Variants in GPN3 observed in about 807,000 individuals in gnomAD.
GPN3 encodes ATP-binding domain 1 family member C.
A neutral mutation model predicts 38.7 loss-of-function variants in GPN3; 31 were observed. The ratio of observed to expected loss-of-function variants is 0.80; its 90% CI spans 0.60 to 1.08. The LOEUF (loss-of-function observed/expected upper bound fraction) is 1.08, where lower values mean the gene tolerates loss of function less well. GPN3 is among the 50% of genes least tolerant of loss of function. GPN3 has a pLI of 0.00. For synonymous variants in GPN3, 116 were observed against 120.2 expected, an observed-to-expected ratio of 0.96 and a Z score of 0.23; for missense variants, 301 against 354.4, an observed-to-expected ratio of 0.85 and a Z score of 1.21.
At chr12:110,467,361 C>T (rs192705166) in intron 1 of GPN3, among the ~76,000 whole-genome samples, 1 of 152,210 alleles carries the variant, frequency 6.6e-6, no homozygotes, top group African/African-American at 2.4e-5. Context: ...TCCTAACATT[C>T]CCTTAATATT....
intron 2 of GPN3, among the ~76,000 whole-genome samples, chr12:110,463,179 G>C (rs1364385794): frequency 6.6e-6 from 1 of 152,180 alleles, no homozygotes; most frequent in Non-Finnish European, 1.5e-5. Context: ...CAGCACTTTC[G>C]GAAGTCAAGC....
rs2062519386 is a variant in GPN3 at position 110,452,514 on chromosome 12, A to G, written c.*520T>C. 1 of 154,598 alleles carries G rather than the reference A, an allele frequency of 6.5e-6. No homozygotes were observed. The highest frequency in any genetic ancestry group is 2.4e-5 in the African/African-American group (1 of 41,474). 9.6% of individuals were successfully genotyped at this position (154,598 alleles called of 1,614,324 possible). On this transcript the variant is annotated 3_prime_UTR_variant, in exon 8 of 8. Coordinates refer to ENST00000228827, the MANE Select transcript of GPN3 (RefSeq NM_016301.4). ...TTGTTATCTAGGTCCAAGAATCATT[A>G]AAAACCTTTGTTTCTTTTATATATA...
At chr12:110,454,679 A>G (rs1484157926) in intron 6 of GPN3, among the ~76,000 whole-genome samples, 1 of 149,666 alleles carries the variant, frequency 6.7e-6, no homozygotes, top group Non-Finnish European at 1.5e-5. Flanking sequence ...TTTTTTTTTG[A>G]GATAGGGTTT....
At chr12:110,467,929 C>T (rs1024734241) in intron 1 of GPN3, among the ~76,000 whole-genome samples, 2 of 152,110 alleles carry the variant, frequency 1.3e-5, no homozygotes, top group Non-Finnish European at 2.9e-5. Context: ...ATAAGCGAGG[C>T]GTTTCATCTG....
chr12:110,457,408 C>T lies in GPN3; in HGVS notation c.450+102G>A, dbSNP rs527276991. On this transcript the variant is annotated intron_variant, in intron 4 of 7. Transcript: ENST00000228827. ...CGGAGGTTGCAGTGAGCTGAGATCA[C>T]GCCACTGCGCTCCAGCCTAGGCAAC... 25 of 977,164 alleles carry T rather than the reference C, an allele frequency of 2.6e-5. No homozygotes were observed. In the South Asian group the frequency reaches 3.1e-4, roughly 12 times the overall value. The allele number at this position is 977,164 out of a possible 1,614,324, so 60.5% of individuals were successfully genotyped here.
chr12:110,456,762 A>C (rs1418004368), intron 4 of GPN3, among the ~76,000 whole-genome samples: 2 of 149,020 alleles, frequency 1.3e-5, no homozygotes, highest in African/African-American at 5.0e-5. Context: ...GATCTTGGCG[A>C]TCTTGGCTCA....
Position 110,457,492 on chromosome 12 carries a change from AG to A in GPN3, c.450+17del. On this transcript the variant is annotated intron_variant, in intron 4 of 7. Coordinates refer to ENST00000228827, the MANE Select transcript of GPN3 (RefSeq NM_016301.4). ...AAAAAAAAAAAAAAAAAAATCTGTA[AG>A]AGATTTAGCTTCAGACCTTGAATGA... 1 of 1,409,916 alleles carries A rather than the reference AG, an allele frequency of 7.1e-7. No individual in the cohort carries two copies. Among genetic ancestry groups the A allele is most frequent in the Non-Finnish European group, 9.7e-7 (1 of 1,035,496 alleles). The allele number at this position is 1,409,916 out of a possible 1,614,324, so 87.3% of individuals were successfully genotyped here.
Position 110,459,638 on chromosome 12 carries a change from T to G in GPN3, c.325+57A>C, listed in dbSNP as rs566255077. ...AAATACTCACTCTCCTTTCTCCTAC[T>G]AAGGATGGAACTATCAAGACTTTAA... On this transcript the variant is annotated intron_variant, in intron 3 of 7. Transcript: ENST00000228827. 1.5e-5 allele frequency: 18 copies of G among 1,164,502 alleles called. No individual in the cohort carries two copies. In the South Asian group the frequency reaches 1.7e-4, roughly 11 times the overall value. 72.1% of individuals were successfully genotyped at this position (1,164,502 alleles called of 1,614,324 possible).
intron 3 of GPN3, 59 bp downstream of exon 3, chr12:110,459,633 CCTA>C: frequency 9.1e-7 from 1 of 1,104,844 alleles, no homozygotes; most frequent in East Asian, 2.3e-5. Flanking sequence ...TCTCCTTTCT[CCTA>C]CTAAGGATGG....
intron 4 of GPN3, 63 bp from the exon 5 acceptor site, chr12:110,455,993 TAA>T (rs2062547183): frequency 1.2e-6 from 1 of 859,450 alleles, no homozygotes; most frequent in East Asian, 2.4e-5. Flanking sequence ...CTGGTCTGCA[TAA>T]AGAGTCTTCT....
intron 2 of GPN3, among the ~76,000 whole-genome samples, 178 bp from the exon 3 acceptor site, chr12:110,460,040 T>C (rs2062576177): frequency 6.6e-6 from 1 of 152,190 alleles, no homozygotes; most frequent in Non-Finnish European, 1.5e-5. Flanking sequence ...AAATAAATTA[T>C]TGTACAGCCC....
chr12:110,453,340 A>G (rs1281682604), intron 7 of GPN3, among the ~76,000 whole-genome samples: 2 of 152,174 alleles, frequency 1.3e-5, no homozygotes, highest in Non-Finnish European at 2.9e-5. Flanking sequence ...TTTACATTCA[A>G]GACGATTCTT....
At chr12:110,453,968 G>T in intron 6 of GPN3, 97 bp from the exon 7 acceptor site, 1 of 819,828 alleles carries the variant, frequency 1.2e-6, no homozygotes, top group Non-Finnish European at 1.9e-6. Context: ...TTGTACTTCT[G>T]AATAAAAACA....
At chr12:110,461,343 C>T (rs1366179718) in intron 2 of GPN3, 1 of 687,600 alleles carries the variant, frequency 1.5e-6, no homozygotes, top group Admixed American at 1.9e-5. Flanking sequence ...AATCTACAGA[C>T]AATGTCGATG....
At chr12:110,460,600 G>A (rs558705767) in intron 2 of GPN3, among the ~76,000 whole-genome samples, 72 of 152,166 alleles carry the variant, frequency 4.7e-4, no homozygotes, top group African/African-American at 1.7e-3. Flanking sequence ...CTTTGGATGA[G>A]GCAGGCGGAT....
chr12:110,466,900 G>GT (rs149608545), intron 1 of GPN3, among the ~76,000 whole-genome samples: 2,975 of 152,192 alleles, frequency 0.02, 100 homozygotes, highest in African/African-American at 0.068. Context: ...ACATGTACAT[G>GT]TTTTTACCCA....
chr12:110,464,056 A>C lies in GPN3; in HGVS notation c.157+1050T>G, dbSNP rs555796602. Reference sequence around the variant, plus strand: ...TGCAATGTTGCCCAGGCTGGACTTGAACTCCTGGGCTCAAGTGATCCTCCC... The same window carrying C: ...TGCAATGTTGCCCAGGCTGGACTTGCACTCCTGGGCTCAAGTGATCCTCCC... On this transcript the variant is annotated intron_variant, in intron 2 of 7. Coordinates refer to ENST00000228827, the MANE Select transcript of GPN3 (RefSeq NM_016301.4). 1.6e-4 allele frequency among the ~76,000 whole-genome samples: 25 copies of C among 152,020 alleles called. No homozygotes were observed. In the South Asian group the frequency reaches 5.2e-3, roughly 32 times the overall value.
intron 2 of GPN3, among the ~76,000 whole-genome samples, chr12:110,460,528 G>T (rs2062579244): frequency 6.6e-6 from 1 of 152,190 alleles, no homozygotes. Flanking sequence ...AGAACTATGA[G>T]ATAATATATC....
At chr12:110,462,219 G>A (rs140847994) in intron 2 of GPN3, among the ~76,000 whole-genome samples, 10 of 152,222 alleles carry the variant, frequency 6.6e-5, no homozygotes, top group South Asian at 2.1e-4. Flanking sequence ...GTAATACAAT[G>A]CCTTTTTTCT....
Sources: allele counts gnomAD v4.1 joint callset (sites outside exome capture counted in the v4.1 genomes callset), GRCh38; gene constraint gnomAD v4.1.1; transcripts MANE v1.5; gene names NCBI Gene and HGNC (gene_info 2026-07-23, HGNC 2026-07-21).